VWC2: variants seen among roughly 807,000 people sequenced by gnomAD.
VWC2 encodes the protein brorin.
A neutral mutation model predicts 29.8 loss-of-function variants in VWC2; 14 were observed. The ratio of observed to expected loss-of-function variants is 0.47; its 90% CI spans 0.31 to 0.74. VWC2 has a LOEUF of 0.74. Ranked by LOEUF, VWC2 falls within the 30% of genes least tolerant of loss-of-function variation. The probability of loss-of-function intolerance (pLI) is 0.05; values close to 1 mark genes in which losing one functional copy is unlikely to be tolerated. For synonymous variants in VWC2, 213 were observed against 199.0 expected (o/e 1.07, Z -0.59); for missense variants, 457 against 459.8 (o/e 0.99, Z 0.05).
chr7:49,879,799 G>A (rs690996), intron 3 of VWC2, among the ~76,000 whole-genome samples: 1 of 151,726 alleles, frequency 6.6e-6, no homozygotes, highest in African/African-American at 2.4e-5. Context: ...ATAATTTTAG[G>A]TGTGATCACA....
intron 2 of VWC2, among the ~76,000 whole-genome samples, chr7:49,776,751 C>G (rs763609774): frequency 6.6e-6 from 1 of 152,200 alleles, no homozygotes; most frequent in Non-Finnish European, 1.5e-5. Context: ...GGCCATCTCT[C>G]TAATGCCTAC....
chr7:49,777,212 G>T (rs1014415165), intron 2 of VWC2, among the ~76,000 whole-genome samples: 6 of 152,192 alleles, frequency 3.9e-5, no homozygotes, highest in Non-Finnish European at 8.8e-5. Context: ...CCTGCAGAGG[G>T]CGTTATGGAA....
intron 3 of VWC2, among the ~76,000 whole-genome samples, chr7:49,827,285 C>A (rs1284362520): frequency 6.6e-6 from 1 of 151,870 alleles, no homozygotes; most frequent in Non-Finnish European, 1.5e-5. Context: ...TAGAGTGAAG[C>A]TTTGCCCATT....
rs535193497 is a variant in VWC2, at chr7:49,815,903, T to C, written c.826+13063T>C. Among the ~76,000 whole-genome samples, 18 of 152,232 alleles carry C rather than the reference T, an allele frequency of 1.2e-4. 1 individual carries two copies. In the South Asian group the frequency reaches 3.3e-3, roughly 28 times the overall value. ...ACGCCACAAAAGAAAAAATGGCTAATAGGAAAACTTCCAAAACCATAGATT... is the reference window on the plus strand; with the variant it reads ...ACGCCACAAAAGAAAAAATGGCTAACAGGAAAACTTCCAAAACCATAGATT... On this transcript the variant is annotated intron_variant, in intron 3 of 3. Coordinates refer to ENST00000340652, the MANE Select transcript of VWC2 (RefSeq NM_198570.5).
intron 3 of VWC2, among the ~76,000 whole-genome samples, chr7:49,899,829 T>C (rs1212444651): frequency 1.3e-5 from 2 of 151,976 alleles, no homozygotes; most frequent in African/African-American, 4.8e-5. Context: ...GTGGATATAA[T>C]TGACATCTAT....
In VWC2 at chr7:49,810,152, T is replaced by G. The variant is rs76924655; in HGVS notation, c.826+7312T>G. Among the ~76,000 whole-genome samples, 978 of 151,698 alleles carry G rather than the reference T, an allele frequency of 6.4e-3. 74 individuals are homozygous for G. The East Asian group carries it at 0.18, about 27-fold the overall frequency. On this transcript the variant is annotated intron_variant, in intron 3 of 3. Transcript: ENST00000340652. The stretch of plus-strand genomic sequence containing the variant: ...ACACGTGCATACACACACATACACA[T>G]GCACACACATACACATGCATACACA...
chr7:49,889,402 C>G (rs1792034259), intron 3 of VWC2, among the ~76,000 whole-genome samples: 1 of 152,128 alleles, frequency 6.6e-6, no homozygotes, highest in Admixed American at 6.5e-5. Context: ...TAGTGCTTTC[C>G]CACATACTTG....
chr7:49,775,195 CCGACGCT>C, intron 1 of VWC2, 131 bp from the exon 2 acceptor site: 2 of 254,458 alleles, frequency 7.9e-6, no homozygotes, highest in Non-Finnish European at 7.4e-6. Context: ...CGGCCGTGCA[CCGACGCT>C]GGGCATGCTG....
intron 2 of VWC2, among the ~76,000 whole-genome samples, chr7:49,785,992 T>C (rs1287970394): frequency 6.6e-6 from 1 of 152,172 alleles, no homozygotes; most frequent in African/African-American, 2.4e-5. Flanking sequence ...GGGGCAACAT[T>C]GTTTGCCTTC....
chr7:49,828,282 G>T (rs1195364322), intron 3 of VWC2, among the ~76,000 whole-genome samples: 3 of 152,042 alleles, frequency 2.0e-5, no homozygotes, highest in Non-Finnish European at 4.4e-5. Context: ...TGGATCTTTG[G>T]TTCCTTTTCA....
At chr7:49,788,258 A>G (rs1242182014) in intron 2 of VWC2, among the ~76,000 whole-genome samples, 2 of 152,120 alleles carry the variant, frequency 1.3e-5, no homozygotes, top group African/African-American at 4.8e-5. Flanking sequence ...CAGTGTCCAG[A>G]CGGGCATCCA....
chr7:49,891,284 T>C (rs1255026665), intron 3 of VWC2, among the ~76,000 whole-genome samples: 1 of 152,212 alleles, frequency 6.6e-6, no homozygotes, highest in Non-Finnish European at 1.5e-5. Flanking sequence ...TTTAGCCAGA[T>C]GACATTACTC....
At chr7:49,835,921 C>T (rs547945404) in intron 3 of VWC2, among the ~76,000 whole-genome samples, 7 of 152,012 alleles carry the variant, frequency 4.6e-5, no homozygotes, top group South Asian at 4.2e-4. Context: ...CATGGTATCA[C>T]GACTAAATTT....
rs192231854 is a variant in VWC2 at position 49,792,574 on chromosome 7, T to C, written c.697-10137T>C. On this transcript the variant is annotated intron_variant, in intron 2 of 3. Transcript: ENST00000340652. ...GGCTGGGGATGGCGCAGTCCAGTTC[T>C]AGAGCTGCTTCTCTTCCTGAGAATT... 2.0e-5 allele frequency among the ~76,000 whole-genome samples: 3 copies of C among 152,326 alleles called. No homozygotes were observed. The East Asian group carries it at 5.8e-4, about 29-fold the overall frequency.
intron 2 of VWC2, among the ~76,000 whole-genome samples, chr7:49,779,795 T>C (rs1456053287): frequency 6.6e-6 from 1 of 152,230 alleles, no homozygotes; most frequent in African/African-American, 2.4e-5. Flanking sequence ...TCAGCAGGGC[T>C]GGTTTCTTCC....
rs1323640055 is a variant in VWC2 at position 49,888,475 on chromosome 7, T to C, written c.827-23559T>C. On this transcript the variant is annotated intron_variant, in intron 3 of 3. Transcript: ENST00000340652. ...TTTTTTTCTAATTCATAACATTCCA[T>C]TCATCCTTTGTACCATGTCACTATG... is the stretch of plus-strand genomic sequence containing the variant. Among the ~76,000 whole-genome samples the C allele has an allele frequency of 2.0e-5, 3 of 152,184 alleles. No homozygotes were observed. The East Asian group carries it at 5.8e-4, about 29-fold the overall frequency.
intron 3 of VWC2, among the ~76,000 whole-genome samples, chr7:49,807,111 A>G (rs148912342): frequency 2.6e-4 from 39 of 152,324 alleles, no homozygotes; most frequent in African/African-American, 9.1e-4. Context: ...CTCCATACTT[A>G]AAAAACATGA....
rs1793746187 is a variant in VWC2 at position 49,916,750 on chromosome 7, C to T, written c.*4565C>T. On this transcript the variant is annotated 3_prime_UTR_variant, in exon 4 of 4. Transcript: ENST00000340652. ...TGTATTAAAGAGCAACTAAAAACTC[C>T]CATTACTGTTTGCCAACCCAGTTGT... 2 of 152,150 alleles carry T rather than the reference C, an allele frequency of 1.3e-5. No individual in the cohort carries two copies. Among genetic ancestry groups the T allele is most frequent in the Non-Finnish European group, 2.9e-5 (2 of 68,032 alleles). The allele number at this position is 152,150 out of a possible 1,614,324, so 9.4% of individuals were successfully genotyped here.
At chr7:49,851,601 T>C (rs1158297878) in intron 3 of VWC2, among the ~76,000 whole-genome samples, 2 of 152,216 alleles carry the variant, frequency 1.3e-5, no homozygotes, top group African/African-American at 2.4e-5. Context: ...GGCTCATGCC[T>C]ATAATCCCAG....
Sources: gnomAD v4.1 joint callset for allele counts (sites outside exome capture counted in the v4.1 genomes callset) on GRCh38, gnomAD v4.1.1 for gene constraint, MANE v1.5 for transcripts, NCBI Gene and HGNC (gene_info 2026-07-23, HGNC 2026-07-21) for gene names.